The following NIPA2 variants were observed in gnomAD, a reference collection of about 807,000 sequenced individuals.
NIPA2 encodes magnesium transporter NIPA2.
NIPA2 carries 11 observed loss-of-function variants against 29.7 expected under a neutral mutation model. That is an observed-to-expected ratio of 0.37 (90% CI 0.23 to 0.61). The LOEUF is 0.61. Among genes scored for constraint, NIPA2 ranks in the 20% least tolerant of loss-of-function variants. The probability of loss-of-function intolerance (pLI) is 0.66; values close to 1 mark genes in which losing one functional copy is unlikely to be tolerated. For missense variants in NIPA2, 426 were observed against 437.9 expected, an observed-to-expected ratio of 0.97 and a Z score of 0.24; for synonymous variants, 183 against 161.9, an observed-to-expected ratio of 1.13 and a Z score of -0.99.
chr15:22,862,503 T>C (rs527844477), intron 7 of NIPA2, among the ~76,000 whole-genome samples: 67 of 152,342 alleles, frequency 4.4e-4, no homozygotes, highest in African/African-American at 1.4e-3. Flanking sequence ...TTTTACCATT[T>C]TGTCTTTTTG....
chr15:22,844,282 C>T (rs138696233), intron 2 of NIPA2, among the ~76,000 whole-genome samples: 5 of 152,044 alleles, frequency 3.3e-5, no homozygotes, highest in Non-Finnish European at 5.9e-5. Context: ...ACTTGTTGGC[C>T]GGGAGTGGTG....
At chr15:22,842,890 C>T (rs1200958617) in intron 2 of NIPA2, among the ~76,000 whole-genome samples, 1 of 150,170 alleles carries the variant, frequency 6.7e-6, no homozygotes, top group East Asian at 2.0e-4. Context: ...GTAGTCCCAG[C>T]TACTCGGGAG....
chr15:22,842,926 C>G (rs1419480620), intron 2 of NIPA2, among the ~76,000 whole-genome samples: 1 of 151,542 alleles, frequency 6.6e-6, no homozygotes, highest in Non-Finnish European at 1.5e-5. Flanking sequence ...TGGCATGAAC[C>G]CAGGAGGCGG....
At position 22,838,915 on chromosome 15, in the gene NIPA2, G is replaced by C. The variant is rs1325462520; in HGVS notation, c.-358G>C. 1.3e-5 allele frequency: 2 copies of C among 152,284 alleles called. No homozygotes were observed. Among genetic ancestry groups the C allele is most frequent in the Non-Finnish European group, 2.9e-5 (2 of 68,076 alleles). 9.4% of individuals were successfully genotyped at this position (152,284 alleles called of 1,614,324 possible). A position where few individuals can be genotyped will look rare whatever the true frequency, so the allele number is the denominator to read the frequency against. ...GGGGAAGCCGCGCGGCCGGCCGGCCGACTAGGGTGAGGTCGCCACTCCTTC... is the reference window on the plus strand; with the variant it reads ...GGGGAAGCCGCGCGGCCGGCCGGCCCACTAGGGTGAGGTCGCCACTCCTTC... On this transcript the variant is annotated 5_prime_UTR_variant, in exon 1 of 8. Transcript: ENST00000337451.
chr15:22,844,370 C>T (rs1897995433), intron 2 of NIPA2, among the ~76,000 whole-genome samples: 2 of 151,850 alleles, frequency 1.3e-5, no homozygotes, highest in South Asian at 2.1e-4. Flanking sequence ...ACCAGCCTGG[C>T]CAACATAGTG....
intron 2 of NIPA2, among the ~76,000 whole-genome samples, chr15:22,843,563 T>C (rs1233486475): frequency 6.6e-6 from 1 of 152,146 alleles, no homozygotes; most frequent in East Asian, 1.9e-4. Context: ...ACCACATATC[T>C]TTTTAATTAA....
chr15:22,841,982 C>T (rs895429188), intron 2 of NIPA2, among the ~76,000 whole-genome samples: 3 of 152,202 alleles, frequency 2.0e-5, no homozygotes, highest in Non-Finnish European at 2.9e-5. Context: ...TGTTACTGCT[C>T]AGCAAGGCCT....
intron 6 of NIPA2, among the ~76,000 whole-genome samples, chr15:22,859,560 G>C (rs1227192214): frequency 6.6e-6 from 1 of 152,182 alleles, no homozygotes; most frequent in Non-Finnish European, 1.5e-5. Context: ...CCAAAGTGTT[G>C]GGATTACAGG....
intron 2 of NIPA2, among the ~76,000 whole-genome samples, chr15:22,844,498 G>C (rs537076140): frequency 5.8e-4 from 88 of 152,152 alleles, no homozygotes; most frequent in African/African-American, 2.1e-3. Flanking sequence ...AGGTTGCAGT[G>C]AGCCGAGATG....
At position 22,866,873 on chromosome 15, in the gene NIPA2, G is replaced by GTGAT. The variant is rs2059129207; in HGVS notation, c.*29_*32dup. 3.2e-6 allele frequency: 5 copies of GTGAT among 1,546,830 alleles called. No homozygotes were observed. The highest frequency in any genetic ancestry group is 2.0e-5 in the Admixed American group (1 of 50,962). ...GAAAGGTGTAATTAAAGGTTAATCT[G>GTGAT]TGATTGTTATGAAGTGAATTTGAAT... On this transcript the variant is annotated 3_prime_UTR_variant, in exon 8 of 8. Transcript: ENST00000337451.
chr15:22,844,181 A>G (rs1259531153), intron 2 of NIPA2, among the ~76,000 whole-genome samples: 1 of 152,120 alleles, frequency 6.6e-6, no homozygotes, highest in Non-Finnish European at 1.5e-5. Context: ...ATTTTCTTTT[A>G]TTTGAGATGT....
intron 7 of NIPA2, 132 bp downstream of exon 7, chr15:22,860,921 C>A: frequency 1.6e-6 from 1 of 615,854 alleles, no homozygotes; most frequent in Non-Finnish European, 2.8e-6. Flanking sequence ...CGTCATGTTC[C>A]CTGCTCCCTC....
rs929340102 is a variant in NIPA2 at position 22,845,255 on chromosome 15, C to T, written c.-106C>T. The T allele has an allele frequency of 3.9e-5, 6 of 151,944 alleles. No individual in the cohort carries two copies. The highest frequency in any genetic ancestry group is 1.5e-4 in the African/African-American group (6 of 41,348). The allele number at this position is 151,944 out of a possible 1,614,324, so 9.4% of individuals were successfully genotyped here. A position where few individuals can be genotyped will look rare whatever the true frequency, so the allele number is the denominator to read the frequency against. On this transcript the variant is annotated 5_prime_UTR_variant, in exon 3 of 8. Transcript: ENST00000337451. ...CTTTCAGGACATTCCCTCTGATGTC[C>T]TATTTTCAAACTGTAAGTCAGAATG... is the stretch of plus-strand genomic sequence containing the variant.
Position 22,858,175 on chromosome 15 carries a change from C to T in NIPA2, c.197-365C>T, listed in dbSNP as rs191626315. ...TTGGGAGGCCGAGGCGGGCAGATCA[C>T]GAGGTCAGGAGATCAAGACCATCCT... On this transcript the variant is annotated intron_variant, in intron 5 of 7. Coordinates refer to ENST00000337451, the MANE Select transcript of NIPA2 (RefSeq NM_030922.7). 2.2e-3 allele frequency among the ~76,000 whole-genome samples: 341 copies of T among 152,118 alleles called. 1 individual carries two copies. Among genetic ancestry groups the T allele is most frequent in the African/African-American group, 7.7e-3 (318 of 41,504 alleles).
chr15:22,845,580 G>A (rs892780437), intron 3 of NIPA2, among the ~76,000 whole-genome samples: 1 of 152,168 alleles, frequency 6.6e-6, no homozygotes, highest in Admixed American at 6.6e-5. Context: ...GAATTAAATA[G>A]TAAAGAAGAG....
At chr15:22,854,733 T>A in intron 5 of NIPA2, among the ~76,000 whole-genome samples, 1 of 151,900 alleles carries the variant, frequency 6.6e-6, no homozygotes, top group African/African-American at 2.4e-5. Context: ...GGTGATAGAG[T>A]GAGACTCAGT....
intron 2 of NIPA2, among the ~76,000 whole-genome samples, chr15:22,844,385 C>G (rs1158144332): frequency 1.3e-5 from 2 of 151,876 alleles, no homozygotes; most frequent in Non-Finnish European, 2.9e-5. Context: ...ATAGTGAAAC[C>G]CCGTCTCTAC....
chr15:22,865,435 G>A (rs62008585), intron 7 of NIPA2, among the ~76,000 whole-genome samples: 65,065 of 150,940 alleles, frequency 0.43, 15,983 homozygotes, highest in Non-Finnish European at 0.55. Flanking sequence ...GCAGTGAGCC[G>A]AGATCGCACC....
In NIPA2 at chr15:22,866,594, A is replaced by G. The variant is rs774813125; in HGVS notation, c.830A>G (p.Asp277Gly). The change falls in exon 8 of 8, where the codon GAC (aspartate) becomes GGC (glycine). Residue 277 changes from aspartate (D) to glycine (G), a missense_variant. By Grantham distance (94) the Asp-to-Gly change is moderately conservative (BLOSUM62 -1). Around this residue, in one of 3 missense-constraint regions of NIPA2, gnomAD observed 357 missense variants for 339.8 expected, o/e 1.05. Coordinates refer to ENST00000337451, the MANE Select transcript of NIPA2 (RefSeq NM_030922.7). ...AAGGAGTGGCAAGATATGCCTGTTG[A>G]CGATGTCATTGGTACTTTGAGTGGC... ...LFKEWQDMPV[D>G]DVIGTLSGFF... 9.9e-6 allele frequency: 16 copies of G among 1,614,036 alleles called. No homozygotes were observed. The highest frequency in any genetic ancestry group is 1.4e-5 in the Non-Finnish European group (16 of 1,180,022).
Sources: gnomAD v4.1 joint callset for allele counts (sites outside exome capture counted in the v4.1 genomes callset) on GRCh38, gnomAD v4.1.1 for gene constraint, gnomAD v4.1.1 regional missense constraint, MANE v1.5 for transcripts, NCBI Gene and HGNC (gene_info 2026-07-23, HGNC 2026-07-21) for gene names.